RBFOX1: variants seen among roughly 807,000 people sequenced by gnomAD.
RBFOX1 encodes the protein RNA binding protein fox-1 homolog 1.
In RBFOX1, 8 loss-of-function variants were observed where a neutral mutation model predicts 57.7. That is an observed-to-expected ratio of 0.14 (90% confidence interval 0.08 to 0.25). The LOEUF is 0.25. Ranked by LOEUF, RBFOX1 falls within the 10% of genes least tolerant of loss-of-function variation. RBFOX1 has a pLI of 1.00. For missense variants in RBFOX1, 611 were observed against 548.5 expected, an observed-to-expected ratio of 1.11 and a Z score of -1.14; for synonymous variants, 326 against 222.4, an observed-to-expected ratio of 1.47 and a Z score of -4.15.
chr16:6,826,489 G>C (rs142450063), intron 3 of RBFOX1, among the ~76,000 whole-genome samples: 29 of 152,272 alleles, frequency 1.9e-4, no homozygotes, highest in African/African-American at 6.7e-4. Flanking sequence ...ACCTAGAACA[G>C]TGCCTGGTAT....
intron 3 of RBFOX1, among the ~76,000 whole-genome samples, chr16:6,924,257 C>T (rs183238536): frequency 6.6e-6 from 1 of 152,080 alleles, no homozygotes; most frequent in Non-Finnish European, 1.5e-5. Context: ...ACTCACAGTT[C>T]TGCTGGCTGT....
At chr16:7,003,302 G>C (rs570728104) in intron 3 of RBFOX1, among the ~76,000 whole-genome samples, 1 of 151,718 alleles carries the variant, frequency 6.6e-6, no homozygotes, top group Non-Finnish European at 1.5e-5. Context: ...TCTACTAAAA[G>C]TGCAAAAATT....
Position 7,381,701 on chromosome 16 carries a change from T to G in RBFOX1, c.28-136446T>G, listed in dbSNP as rs143358534. 2.9e-3 allele frequency among the ~76,000 whole-genome samples: 444 copies of G among 152,286 alleles called. 3 individuals carry two copies. The Middle Eastern group carries it at 0.034, about 12-fold the overall frequency. On this transcript the variant is annotated intron_variant, in intron 4 of 15. Coordinates refer to ENST00000550418, the MANE Select transcript of RBFOX1 (RefSeq NM_018723.4). ...AATGTCCCACCGTATGGATTTGGGATTTGCAAGTCAGGAACAGTGGGCACA... is the reference window on the plus strand; with the variant it reads ...AATGTCCCACCGTATGGATTTGGGAGTTGCAAGTCAGGAACAGTGGGCACA...
At chr16:5,813,029 AT>A (rs2055489783) in intron 3 of RBFOX1, among the ~76,000 whole-genome samples, 1 of 139,556 alleles carries the variant, frequency 7.2e-6, no homozygotes, top group Non-Finnish European at 1.5e-5. Flanking sequence ...TTTTTTTGAG[AT>A]GGAGACTTGC....
chr16:6,045,939 G>C (rs1472030604), intron 1 of RBFOX1, among the ~76,000 whole-genome samples: 1 of 152,180 alleles, frequency 6.6e-6, no homozygotes, highest in East Asian at 1.9e-4. Context: ...GATTTATTGG[G>C]GAACAGAGAA....
intron 3 of RBFOX1, among the ~76,000 whole-genome samples, chr16:6,854,318 A>G (rs1009713038): frequency 3.3e-5 from 5 of 152,126 alleles, no homozygotes; most frequent in African/African-American, 1.2e-4. Flanking sequence ...ATTAGGAAGG[A>G]GTCTTTGGGT....
chr16:5,423,473 T>C (rs2151491442), intron 1 of RBFOX1, among the ~76,000 whole-genome samples: 1 of 152,264 alleles, frequency 6.6e-6, no homozygotes, highest in Non-Finnish European at 1.5e-5. Context: ...CCCTACGCCA[T>C]CCAACAGGGA....
chr16:5,450,634 C>T (rs1287519460), intron 1 of RBFOX1, among the ~76,000 whole-genome samples: 1 of 152,062 alleles, frequency 6.6e-6, no homozygotes, highest in African/African-American at 2.4e-5. Flanking sequence ...ATCTCAGTGC[C>T]AAGGAAAGGA....
chr16:6,401,174 A>G (rs1193095830), intron 2 of RBFOX1, among the ~76,000 whole-genome samples: 1 of 152,208 alleles, frequency 6.6e-6, no homozygotes, highest in South Asian at 2.1e-4. Flanking sequence ...CCAGAAAGTC[A>G]GGAATATCAA....
At chr16:7,074,967 A>G (rs1567164927) in intron 4 of RBFOX1, among the ~76,000 whole-genome samples, 1 of 152,174 alleles carries the variant, frequency 6.6e-6, no homozygotes, top group African/African-American at 2.4e-5. Context: ...AGGGGAGCTC[A>G]TTGAGAGTAG....
intron 3 of RBFOX1, among the ~76,000 whole-genome samples, chr16:6,893,728 T>C (rs377753459): frequency 4.6e-5 from 7 of 152,338 alleles, no homozygotes; most frequent in African/African-American, 1.4e-4. Flanking sequence ...TTGTGATGAA[T>C]TTTCATTTGC....
At chr16:7,125,341 T>C (rs1360423479) in intron 4 of RBFOX1, among the ~76,000 whole-genome samples, 4 of 152,172 alleles carry the variant, frequency 2.6e-5, no homozygotes, top group Non-Finnish European at 4.4e-5. Flanking sequence ...AATCAGATAC[T>C]ACTTTTAGAT....
At chr16:6,726,563 G>A (rs918041791) in intron 3 of RBFOX1, among the ~76,000 whole-genome samples, 1 of 151,966 alleles carries the variant, frequency 6.6e-6, no homozygotes. Flanking sequence ...AATGAGAGAA[G>A]GCAAGGATGC....
rs139109081 is a variant in RBFOX1 at position 6,247,513 on chromosome 16, G to A, written c.-126-69482G>A. On this transcript the variant is annotated intron_variant, in intron 1 of 15. Transcript: ENST00000550418. ...GAACAGTTCTGCAGTCATTAAGATA[G>A]TGGTAGTAACAGCCAATATGCATGT... Among the ~76,000 whole-genome samples, 1,364 of 152,310 alleles carry A rather than the reference G, an allele frequency of 9.0e-3. 10 individuals carry two copies. The highest frequency in any genetic ancestry group is 0.02 in the Middle Eastern group (6 of 294).
intron 2 of RBFOX1, among the ~76,000 whole-genome samples, chr16:5,539,117 C>T (rs550519123): frequency 1.3e-5 from 2 of 152,202 alleles, no homozygotes; most frequent in South Asian, 2.1e-4. Context: ...TCCGAGGGCA[C>T]GTAATTCTTA....
intron 3 of RBFOX1, among the ~76,000 whole-genome samples, chr16:5,643,979 C>T (rs2048965978): frequency 6.6e-6 from 1 of 152,184 alleles, no homozygotes; most frequent in Non-Finnish European, 1.5e-5. Context: ...TTCAAAAGGG[C>T]CCGCTGTTTT....
chr16:7,332,799 G>C, intron 4 of RBFOX1: 1 of 1,396,030 alleles, frequency 7.2e-7, no homozygotes, highest in Non-Finnish European at 9.3e-7. Flanking sequence ...TCTCTTCGTC[G>C]TCTGGGAAGA....
chr16:6,611,382 G>A (rs1476499953), intron 2 of RBFOX1, among the ~76,000 whole-genome samples: 1 of 152,176 alleles, frequency 6.6e-6, no homozygotes, highest in Non-Finnish European at 1.5e-5. Context: ...CCTGACCTCA[G>A]GTGATCCATC....
intron 2 of RBFOX1, among the ~76,000 whole-genome samples, chr16:6,598,456 C>G (rs905868909): frequency 6.6e-6 from 1 of 152,116 alleles, no homozygotes; most frequent in Admixed American, 6.6e-5. Flanking sequence ...CTTGTTATCT[C>G]CCAGTAATCC....
Sources: allele counts gnomAD v4.1 joint callset (sites outside exome capture counted in the v4.1 genomes callset), GRCh38; gene constraint gnomAD v4.1.1; transcripts MANE v1.5; gene names NCBI Gene and HGNC (gene_info 2026-07-23, HGNC 2026-07-21).